AKT3: variants seen among roughly 807,000 people sequenced by gnomAD.
AKT3 encodes RAC-gamma serine/threonine-protein kinase.
AKT3 carries 15 observed loss-of-function variants against 65.3 expected under a neutral mutation model. The observed-to-expected ratio is 0.23, with a 90% CI of 0.15 to 0.35. AKT3 has a LOEUF of 0.35. Among genes scored for constraint, AKT3 ranks in the 10% least tolerant of loss-of-function variants. AKT3 has a pLI of 1.00. For synonymous variants in AKT3, 206 were observed against 183.8 expected, an observed-to-expected ratio of 1.12 and a Z score of -0.98; for missense variants, 243 against 576.5, an observed-to-expected ratio of 0.42 and a Z score of 5.92.
chr1:243,553,125 A>T (rs550251878), intron 10 of AKT3, among the ~76,000 whole-genome samples, 182 bp from the exon 11 acceptor site: 5 of 152,122 alleles, frequency 3.3e-5, no homozygotes, highest in African/African-American at 1.2e-4. Flanking sequence ...AATATGTGAA[A>T]TATTCAATAT....
Position 243,850,071 on chromosome 1 carries a change from G to A in AKT3, c.-144C>T, listed in dbSNP as rs1224316218. On this transcript the variant is annotated 5_prime_UTR_variant, in exon 1 of 14. Transcript: ENST00000673466. ...CGGCGGCGGCGGCGGTGGCGGCCCCGCAGCTGCTCGGGCGGCGGCGGAGGA... is the reference window on the plus strand; with the variant it reads ...CGGCGGCGGCGGCGGTGGCGGCCCCACAGCTGCTCGGGCGGCGGCGGAGGA... The A allele has an allele frequency of 3.2e-6, 3 of 951,084 alleles. No individual in the cohort carries two copies. The highest frequency in any genetic ancestry group is 3.7e-6 in the Non-Finnish European group (3 of 801,302). The allele number at this position is 951,084 out of a possible 1,614,324, so 58.9% of individuals were successfully genotyped here. A position where few individuals can be genotyped will look rare whatever the true frequency, so the allele number is the denominator to read the frequency against.
chr1:243,637,389 C>A (rs1020217203), intron 6 of AKT3, among the ~76,000 whole-genome samples: 5 of 151,940 alleles, frequency 3.3e-5, no homozygotes, highest in African/African-American at 1.2e-4. Context: ...TTTCTATTTC[C>A]TTAAGAGAAT....
intron 2 of AKT3, among the ~76,000 whole-genome samples, chr1:243,744,901 T>C (rs1688386392): frequency 6.6e-6 from 1 of 152,088 alleles, no homozygotes; most frequent in Non-Finnish European, 1.5e-5. Flanking sequence ...TCATTTGTGA[T>C]CACTGTATTC....
intron 2 of AKT3, among the ~76,000 whole-genome samples, chr1:243,792,168 T>C (rs954424288): frequency 7.2e-5 from 11 of 152,214 alleles, no homozygotes; most frequent in Non-Finnish European, 1.5e-4. Flanking sequence ...AAGTCATTTA[T>C]ACAAACACCT....
At chr1:243,657,525 T>C (rs948008931) in intron 4 of AKT3, among the ~76,000 whole-genome samples, 1 of 152,150 alleles carries the variant, frequency 6.6e-6, no homozygotes, top group African/African-American at 2.4e-5. Flanking sequence ...AGACATCCCA[T>C]GTTCATGCAC....
intron 8 of AKT3, among the ~76,000 whole-genome samples, chr1:243,604,400 T>G (rs1005831433): frequency 6.6e-6 from 1 of 152,172 alleles, no homozygotes; most frequent in African/African-American, 2.4e-5. Context: ...TGTCTTAATG[T>G]GATTCTGACT....
intron 4 of AKT3, among the ~76,000 whole-genome samples, chr1:243,651,963 G>T (rs956476337): frequency 6.6e-6 from 1 of 152,036 alleles, no homozygotes; most frequent in Non-Finnish European, 1.5e-5. Flanking sequence ...AAGCTCATCA[G>T]ACTAACAGCG....
downstream of AKT3, among the ~76,000 whole-genome samples, chr1:243,495,524 G>A (rs1667606908): frequency 6.6e-6 from 1 of 152,154 alleles, no homozygotes; most frequent in Admixed American, 6.5e-5. Context: ...CCTTAACCGT[G>A]AGCCCCCGCC....
chr1:243,642,574 G>A (rs568500051), intron 5 of AKT3, among the ~76,000 whole-genome samples: 95 of 152,338 alleles, frequency 6.2e-4, no homozygotes, highest in African/African-American at 2.2e-3. Flanking sequence ...CTCCCAAAGT[G>A]CTGGGATTAC....
At chr1:243,491,453 T>C (rs1212989496) in intron 13 of AKT3, among the ~76,000 whole-genome samples, 3 of 152,212 alleles carry the variant, frequency 2.0e-5, no homozygotes, top group South Asian at 2.1e-4. Context: ...AATATGAACA[T>C]GACAAAAGAA....
intron 6 of AKT3, among the ~76,000 whole-genome samples, chr1:243,627,060 G>C (rs1457932699): frequency 6.6e-6 from 1 of 152,222 alleles, no homozygotes; most frequent in Non-Finnish European, 1.5e-5. Context: ...TTACCAACAA[G>C]TTCTGTGTCG....
intron 1 of AKT3, among the ~76,000 whole-genome samples, chr1:243,844,225 G>A (rs1392766151): frequency 6.6e-6 from 1 of 152,092 alleles, no homozygotes; most frequent in African/African-American, 2.4e-5. Context: ...CCATTTCACA[G>A]ACAAGGAAAC....
At position 243,499,935 on chromosome 1, in the gene AKT3, G is replaced by C. The variant is rs1226067360; in HGVS notation, c.*5314C>G. ...GCTGGTCCTCATCAACGCGGGCGCT[G>C]TCCCCGCACGCAGTCGGGCTGGAGC... On this transcript the variant is annotated 3_prime_UTR_variant, in exon 14 of 14. Coordinates refer to ENST00000673466, the MANE Select transcript of AKT3 (RefSeq NM_005465.7). 1 of 722,056 alleles carries C rather than the reference G, an allele frequency of 1.4e-6. No homozygotes were observed. Among genetic ancestry groups the C allele is most frequent in the South Asian group, 1.5e-5 (1 of 66,544 alleles). The allele number at this position is 722,056 out of a possible 1,614,324, so 44.7% of individuals were successfully genotyped here. A position where few individuals can be genotyped will look rare whatever the true frequency, so the allele number is the denominator to read the frequency against.
At chr1:243,505,538 T>A (rs1367650791) in intron 13 of AKT3, among the ~76,000 whole-genome samples, 3 of 152,162 alleles carry the variant, frequency 2.0e-5, no homozygotes, top group Non-Finnish European at 2.9e-5. Flanking sequence ...GAAGAAATAA[T>A]ACTATAGAAT....
chr1:243,846,417 CT>C (rs1558867824), intron 1 of AKT3, among the ~76,000 whole-genome samples: 2 of 152,014 alleles, frequency 1.3e-5, no homozygotes, highest in South Asian at 4.1e-4. Flanking sequence ...TCTAGTAAAT[CT>C]TTTTACTTTC....
At chr1:243,750,398 C>T (rs182702342) in intron 2 of AKT3, among the ~76,000 whole-genome samples, 23 of 124,580 alleles carry the variant, frequency 1.8e-4, no homozygotes, top group Non-Finnish European at 3.1e-4. Flanking sequence ...CTCTCACATG[C>T]ATGCACGTAT....
chr1:243,665,401 C>A (rs1037421080), intron 3 of AKT3, among the ~76,000 whole-genome samples: 3 of 152,130 alleles, frequency 2.0e-5, no homozygotes, highest in Non-Finnish European at 2.9e-5. Flanking sequence ...AAGAAAATGA[C>A]AAATATCACT....
downstream of AKT3, among the ~76,000 whole-genome samples, chr1:243,496,515 G>C (rs1255966720): frequency 6.6e-6 from 1 of 152,236 alleles, no homozygotes; most frequent in African/African-American, 2.4e-5. Context: ...TGGCCAAACA[G>C]AGACAGCGTG....
chr1:243,791,794 GCT>G (rs1691648280), intron 2 of AKT3, among the ~76,000 whole-genome samples: 1 of 152,186 alleles, frequency 6.6e-6, no homozygotes, highest in Admixed American at 6.5e-5. Flanking sequence ...GCTCCTGCAA[GCT>G]TCATTCAGTA....
Sources: allele counts gnomAD v4.1 joint callset (sites outside exome capture counted in the v4.1 genomes callset), GRCh38; gene constraint gnomAD v4.1.1; transcripts MANE v1.5; gene names NCBI Gene and HGNC (gene_info 2026-07-23, HGNC 2026-07-21).